Variants in PRKCB observed in about 807,000 individuals in gnomAD.
PRKCB encodes protein kinase C beta type.
In PRKCB, 13 loss-of-function variants were observed where a neutral mutation model predicts 81.5. The observed-to-expected ratio is 0.16, with a 90% CI of 0.10 to 0.25. The LOEUF (loss-of-function observed/expected upper bound fraction) is 0.25, where lower values mean the gene tolerates loss of function less well. Ranked by LOEUF, PRKCB falls within the 10% of genes least tolerant of loss-of-function variation. The pLI, the probability that PRKCB is intolerant of heterozygous loss-of-function variation, is 1.00. For synonymous variants in PRKCB, 335 were observed against 321.4 expected (o/e 1.04, Z -0.45); for missense variants, 509 against 875.7 (o/e 0.58, Z 5.29).
At chr16:24,005,910 AAATAATG>A (rs1204534101) in intron 3 of PRKCB, among the ~76,000 whole-genome samples, 3 of 152,208 alleles carry the variant, frequency 2.0e-5, no homozygotes, top group Admixed American at 1.3e-4. Flanking sequence ...GAACTTTCAA[AAATAATG>A]CTCCTTCCAG....
chr16:23,958,985 C>G (rs940222142), intron 2 of PRKCB, among the ~76,000 whole-genome samples: 1 of 152,096 alleles, frequency 6.6e-6, no homozygotes, highest in African/African-American at 2.4e-5. Flanking sequence ...GGCAAGTTAC[C>G]TAACATTTCT....
At chr16:24,142,449 T>C (rs1182625431) in intron 9 of PRKCB, among the ~76,000 whole-genome samples, 1 of 152,042 alleles carries the variant, frequency 6.6e-6, no homozygotes, top group Non-Finnish European at 1.5e-5. Flanking sequence ...GAAGAGCAGG[T>C]GGTTGGCGTT....
chr16:24,143,301 T>G (rs1966931803), intron 9 of PRKCB, among the ~76,000 whole-genome samples: 1 of 151,860 alleles, frequency 6.6e-6, no homozygotes, highest in South Asian at 2.1e-4. Context: ...CCTGGCTAAT[T>G]TTTGTACTTT....
chr16:24,138,805 T>C (rs1290132423), intron 9 of PRKCB, among the ~76,000 whole-genome samples: 2 of 151,818 alleles, frequency 1.3e-5, no homozygotes, highest in South Asian at 4.2e-4. Flanking sequence ...TAAGTTTGAC[T>C]ATTTTAGATT....
chr16:23,990,159 A>G (rs752106015), intron 3 of PRKCB, among the ~76,000 whole-genome samples: 1 of 152,068 alleles, frequency 6.6e-6, no homozygotes, highest in Non-Finnish European at 1.5e-5. Flanking sequence ...GATAGATGGG[A>G]GAAGAAGCTT....
At chr16:23,948,183 G>C (rs1316864530) in intron 2 of PRKCB, among the ~76,000 whole-genome samples, 1 of 152,158 alleles carries the variant, frequency 6.6e-6, no homozygotes, top group African/African-American at 2.4e-5. Flanking sequence ...AATATTCACA[G>C]CATCTGTAGT....
chr16:24,136,040 G>GC (rs1966863531), intron 9 of PRKCB, among the ~76,000 whole-genome samples: 1 of 150,704 alleles, frequency 6.6e-6, no homozygotes, highest in Admixed American at 6.6e-5. Context: ...TCACTTCCCT[G>GC]CCCCCACCAA....
intron 3 of PRKCB, among the ~76,000 whole-genome samples, chr16:24,029,038 G>C (rs1021478368): frequency 6.6e-6 from 1 of 152,018 alleles, no homozygotes; most frequent in African/African-American, 2.4e-5. Flanking sequence ...CGATCTGCCC[G>C]CCTCGGCCTC....
chr16:23,895,933 T>A (rs1396697082), intron 2 of PRKCB, among the ~76,000 whole-genome samples: 1 of 152,254 alleles, frequency 6.6e-6, no homozygotes, highest in Non-Finnish European at 1.5e-5. Flanking sequence ...ATATTTCTGC[T>A]CATGGCAGCT....
chr16:24,037,258 G>A (rs531390688), intron 5 of PRKCB, among the ~76,000 whole-genome samples: 9 of 152,224 alleles, frequency 5.9e-5, no homozygotes, highest in Non-Finnish European at 1.2e-4. Flanking sequence ...CAAAGTGCTG[G>A]GATTACAGGT....
intron 15 of PRKCB, among the ~76,000 whole-genome samples, chr16:24,187,654 T>TTTTTG (rs374822483): frequency 0.014 from 2,070 of 147,326 alleles, 21 homozygotes; most frequent in African/African-American, 0.017. Flanking sequence ...GCACAAGGTG[T>TTTTTG]TTTTGTTTTG....
intron 2 of PRKCB, among the ~76,000 whole-genome samples, chr16:23,914,675 A>G (rs1963711331): frequency 6.6e-6 from 1 of 152,162 alleles, no homozygotes; most frequent in South Asian, 2.1e-4. Flanking sequence ...TAAGACCTGC[A>G]CAGCCCTTAG....
At position 24,127,004 on chromosome 16, in the gene PRKCB, C is replaced by CT. The variant is rs34385102; in HGVS notation, c.1065+3041dup. On this transcript the variant is annotated intron_variant, in intron 9 of 16. Transcript: ENST00000643927. ...ATATATATATATGCTTTCTTTTTTC[C>CT]TTTTTTTTTTTTTTTTTTGAGACGG... 4.6e-3 allele frequency among the ~76,000 whole-genome samples: 540 copies of CT among 116,206 alleles called. 7 individuals are homozygous for CT. Among genetic ancestry groups the CT allele is most frequent in the East Asian group, 0.024 (101 of 4,140 alleles). 76.2% of individuals were successfully genotyped at this position (116,206 alleles called of 152,430 possible). A position where few individuals can be genotyped will look rare whatever the true frequency, so the allele number is the denominator to read the frequency against.
chr16:24,070,598 G>A lies in PRKCB; in HGVS notation c.530-22193G>A, dbSNP rs74013117. ...TAAAATAGGTTGCAGTCATTACAAC[G>A]CATATAATAGCATGAAGTATATAGC... On this transcript the variant is annotated intron_variant, in intron 5 of 16. Coordinates refer to ENST00000643927, the MANE Select transcript of PRKCB (RefSeq NM_002738.7). 8.3e-3 allele frequency among the ~76,000 whole-genome samples: 1,260 copies of A among 152,206 alleles called. 17 individuals carry two copies. The highest frequency in any genetic ancestry group is 0.026 in the African/African-American group (1,066 of 41,528).
chr16:24,178,470 A>G (rs557562789), intron 12 of PRKCB, among the ~76,000 whole-genome samples: 1 of 152,352 alleles, frequency 6.6e-6, no homozygotes, highest in Non-Finnish European at 1.5e-5. Flanking sequence ...TGAAGATTTT[A>G]TCACTTCCCT....
rs1049590106 is a variant in PRKCB at position 24,216,111 on chromosome 16, C to A, written c.*1295C>A. The A allele has an allele frequency of 4.1e-6, 4 of 985,194 alleles. No homozygotes were observed. In the African/African-American group the frequency reaches 5.2e-5, roughly 13 times the overall value. The allele number at this position is 985,194 out of a possible 1,614,324, so 61.0% of individuals were successfully genotyped here. A position where few individuals can be genotyped will look rare whatever the true frequency, so the allele number is the denominator to read the frequency against. ...GAACTCAGGAGAAAGGAACTAACTG[C>A]GGAGCTTTAATCTTGGCCCCAGTGT... On this transcript the variant is annotated 3_prime_UTR_variant, in exon 17 of 17. Transcript: ENST00000643927.
chr16:24,095,879 A>T (rs1225237558), intron 7 of PRKCB, among the ~76,000 whole-genome samples: 2 of 152,140 alleles, frequency 1.3e-5, no homozygotes, highest in Non-Finnish European at 2.9e-5. Context: ...CTCTGGAATA[A>T]TGGCTGGTAA....
intron 8 of PRKCB, among the ~76,000 whole-genome samples, chr16:24,115,975 T>C (rs1467311977): frequency 1.3e-5 from 2 of 150,640 alleles, no homozygotes; most frequent in Non-Finnish European, 2.9e-5. Context: ...TCCGTCTGCC[T>C]CGGCCTCCCA....
chr16:23,844,403 T>TCCATCCATCCCTCCATTTATCCAC (rs1165003605), intron 2 of PRKCB, among the ~76,000 whole-genome samples: 3 of 152,332 alleles, frequency 2.0e-5, no homozygotes, highest in African/African-American at 7.2e-5. Flanking sequence ...CATTTATTCA[T>TCCATCCATCCCTCCATTTATCCAC]CCATCCATCC....
Sources: allele counts gnomAD v4.1 joint callset (sites outside exome capture counted in the v4.1 genomes callset), GRCh38; gene constraint gnomAD v4.1.1; transcripts MANE v1.5; gene names NCBI Gene and HGNC (gene_info 2026-07-23, HGNC 2026-07-21).